Variants in GLIS1 observed in about 807,000 individuals in gnomAD.
The protein encoded by GLIS1 is zinc finger protein GLIS1.
GLIS1 carries 24 observed loss-of-function variants against 63.8 expected under a neutral mutation model. The ratio of observed to expected loss-of-function variants is 0.38; its 90% CI spans 0.27 to 0.53. GLIS1 has a LOEUF of 0.53. Among genes scored for constraint, GLIS1 ranks in the 20% least tolerant of loss-of-function variants. The probability of loss-of-function intolerance (pLI) is 0.85; values close to 1 mark genes in which losing one functional copy is unlikely to be tolerated. For missense variants in GLIS1, 1,036 were observed against 1,074.1 expected, an observed-to-expected ratio of 0.96 and a Z score of 0.50; for synonymous variants, 450 against 482.5, an observed-to-expected ratio of 0.93 and a Z score of 0.88.
intron 4 of GLIS1, among the ~76,000 whole-genome samples, chr1:53,565,429 A>G (rs1417850536): frequency 6.6e-6 from 1 of 152,086 alleles, no homozygotes; most frequent in Non-Finnish European, 1.5e-5. Context: ...AATAGAACCA[A>G]AAAGACAGGA....
chr1:53,708,221 T>C (rs973164561), intron 2 of GLIS1, among the ~76,000 whole-genome samples: 20 of 151,930 alleles, frequency 1.3e-4, no homozygotes, highest in South Asian at 4.2e-4. Flanking sequence ...AGGCAGAGCT[T>C]GCAGTGAGCC....
intron 4 of GLIS1, among the ~76,000 whole-genome samples, chr1:53,565,886 T>C (rs1356265296): frequency 6.6e-6 from 1 of 151,996 alleles, no homozygotes; most frequent in Non-Finnish European, 1.5e-5. Context: ...ATAATAAAAG[T>C]AGGAGAACCA....
intron 2 of GLIS1, among the ~76,000 whole-genome samples, chr1:53,643,602 T>C (rs1645810874): frequency 6.6e-6 from 1 of 152,176 alleles, no homozygotes; most frequent in South Asian, 2.1e-4. Flanking sequence ...ACGGCAACTA[T>C]AGCTTCAAGC....
At chr1:53,584,508 A>G (rs1253425635) in intron 4 of GLIS1, among the ~76,000 whole-genome samples, 3 of 152,182 alleles carry the variant, frequency 2.0e-5, no homozygotes, top group Non-Finnish European at 4.4e-5. Context: ...TGTCAGAGGC[A>G]TTTGGTTAAT....
chr1:53,649,205 T>C (rs1476049213), intron 2 of GLIS1, among the ~76,000 whole-genome samples: 2 of 152,232 alleles, frequency 1.3e-5, no homozygotes, highest in Non-Finnish European at 2.9e-5. Context: ...TATATACGAA[T>C]TATAAAAAGT....
At chr1:53,558,836 C>T (rs974833792) in intron 4 of GLIS1, among the ~76,000 whole-genome samples, 1 of 152,254 alleles carries the variant, frequency 6.6e-6, no homozygotes, top group Non-Finnish European at 1.5e-5. Flanking sequence ...TACCCTTGAT[C>T]TGTGCTCACC....
At chr1:53,666,649 T>G (rs1200755156) in intron 2 of GLIS1, among the ~76,000 whole-genome samples, 1 of 152,002 alleles carries the variant, frequency 6.6e-6, no homozygotes, top group African/African-American at 2.4e-5. Flanking sequence ...TGAGTTCTTT[T>G]CCCCAAAACC....
rs1557430281 is a variant in GLIS1 at position 53,522,996 on chromosome 1, T to TCTTTTTC, written c.1593+1780_1593+1781insGAAAAAG. On this transcript the variant is annotated intron_variant, in intron 6 of 10. Coordinates refer to ENST00000628545, the MANE Select transcript of GLIS1 (RefSeq NM_001367484.1). ...TCTTTTCTTTTCTTTCTTTTTTTTT[T>TCTTTTTC]TTTTTTTTTGAGACAGGGTCTTGCT... 4.8e-5 allele frequency among the ~76,000 whole-genome samples: 7 copies of TCTTTTTC among 146,548 alleles called. 1 individual carries two copies. The highest frequency in any genetic ancestry group is 1.1e-4 in the Non-Finnish European group (7 of 66,540).
In GLIS1 at chr1:53,526,135, G is replaced by A. The variant is rs1358092568; in HGVS notation, c.1483-1248C>T. Among the ~76,000 whole-genome samples the A allele has an allele frequency of 6.6e-6, 1 of 152,164 alleles. No homozygotes were observed. The highest frequency in any genetic ancestry group is 2.4e-5 in the African/African-American group (1 of 41,426). Reference sequence around the variant, plus strand: ...TGCCCTGCTGGGACTGCAGGGGACAGGAGAAGGATTGGAGGAAATGACACC... The same window carrying A: ...TGCCCTGCTGGGACTGCAGGGGACAAGAGAAGGATTGGAGGAAATGACACC... On this transcript the variant is annotated intron_variant, in intron 5 of 10. Transcript: ENST00000628545. This position sits in a 1 kb window ranked among gnomAD's most constrained non-coding sequence, Gnocchi z 4.4.
chr1:53,731,709 CG>C (rs1278345707), intron 2 of GLIS1, among the ~76,000 whole-genome samples: 1 of 152,192 alleles, frequency 6.6e-6, no homozygotes, highest in Non-Finnish European at 1.5e-5. Context: ...AATGTGATCA[CG>C]TCTCTAAAGC....
At chr1:53,673,043 A>G (rs1351599243) in intron 2 of GLIS1, among the ~76,000 whole-genome samples, 1 of 152,018 alleles carries the variant, frequency 6.6e-6, no homozygotes, top group Non-Finnish European at 1.5e-5. Flanking sequence ...GCTGGCAAGC[A>G]CTCCGTGTTC....
At position 53,560,796 on chromosome 1, in the gene GLIS1, T is replaced by C. The variant is rs1644883912; in HGVS notation, c.1321-30844A>G. Among the ~76,000 whole-genome samples, 1 of 152,178 alleles carries C rather than the reference T, an allele frequency of 6.6e-6. No individual in the cohort carries two copies. The highest frequency in any genetic ancestry group is 2.4e-5 in the African/African-American group (1 of 41,440). On this transcript the variant is annotated intron_variant, in intron 4 of 10. Coordinates refer to ENST00000628545, the MANE Select transcript of GLIS1 (RefSeq NM_001367484.1). The surrounding 1 kb of genome is among the most constrained non-coding windows in gnomAD (Gnocchi z 4.4). ...GCCCACGACAGTGGCGATGAGTCCTTGGACTCCACCCATACCTCAGTACCC... is the reference window on the plus strand; with the variant it reads ...GCCCACGACAGTGGCGATGAGTCCTCGGACTCCACCCATACCTCAGTACCC...
At chr1:53,586,254 G>A (rs1352132283) in intron 4 of GLIS1, among the ~76,000 whole-genome samples, 2 of 150,848 alleles carry the variant, frequency 1.3e-5, no homozygotes, top group African/African-American at 4.8e-5. Context: ...CTAAACCTCG[G>A]GCTCAAGAGA....
intron 2 of GLIS1, among the ~76,000 whole-genome samples, chr1:53,614,107 T>C (rs570612480): frequency 3.9e-5 from 6 of 152,262 alleles, no homozygotes; most frequent in Non-Finnish European, 7.3e-5. Context: ...GAATGCCTAC[T>C]ATATGCCAGG....
intron 4 of GLIS1, among the ~76,000 whole-genome samples, chr1:53,553,087 C>T (rs1296569746): frequency 6.6e-6 from 1 of 152,224 alleles, no homozygotes; most frequent in African/African-American, 2.4e-5. Flanking sequence ...AAAGATACCC[C>T]TGTCCCACCT....
intron 4 of GLIS1, among the ~76,000 whole-genome samples, chr1:53,555,908 GGTGT>G (rs1427358077): frequency 1.4e-5 from 2 of 145,376 alleles, no homozygotes; most frequent in Non-Finnish European, 3.0e-5. Context: ...GTGTACTGCA[GGTGT>G]GTGTGTGCGG....
At chr1:53,718,927 T>C (rs1437225592) in intron 2 of GLIS1, among the ~76,000 whole-genome samples, 1 of 152,234 alleles carries the variant, frequency 6.6e-6, no homozygotes, top group African/African-American at 2.4e-5. Context: ...CCCCTGACTC[T>C]GTCCACTGGA....
chr1:53,546,293 G>A (rs956803537), intron 4 of GLIS1, among the ~76,000 whole-genome samples: 2 of 152,238 alleles, frequency 1.3e-5, no homozygotes, highest in African/African-American at 2.4e-5. Context: ...CAGGGAGGGC[G>A]AGGATGACAT....
At chr1:53,665,426 G>T (rs1427691798) in intron 2 of GLIS1, among the ~76,000 whole-genome samples, 1 of 152,186 alleles carries the variant, frequency 6.6e-6, no homozygotes, top group Non-Finnish European at 1.5e-5. Flanking sequence ...GGTCCAAAAT[G>T]GAAGTATCAA....
Sources: allele counts gnomAD v4.1 joint callset (sites outside exome capture counted in the v4.1 genomes callset), GRCh38; gene constraint gnomAD v4.1.1; non-coding constraint Gnocchi (gnomAD v3.1); transcripts MANE v1.5; gene names NCBI Gene and HGNC (gene_info 2026-07-23, HGNC 2026-07-21).